The following SASS6 variants were observed in gnomAD, a reference collection of about 807,000 sequenced individuals.
SASS6 encodes the protein spindle assembly abnormal protein 6 homolog.
Under a neutral mutation model 94.9 loss-of-function variants are expected in SASS6, and 59 were observed. That is an observed-to-expected ratio of 0.62 (90% CI 0.50 to 0.77). SASS6 has a LOEUF of 0.77. Ranked by LOEUF, SASS6 falls within the 30% of genes least tolerant of loss-of-function variation. The probability of loss-of-function intolerance (pLI) is 0.00; values close to 1 mark genes in which losing one functional copy is unlikely to be tolerated. For synonymous variants in SASS6, 264 were observed against 270.0 expected (o/e 0.98, Z 0.22); for missense variants, 698 against 734.1 (o/e 0.95, Z 0.57).
chr1:100,128,553 TC>T (rs1266381111), intron 1 of SASS6, among the ~76,000 whole-genome samples: 1 of 152,092 alleles, frequency 6.6e-6, no homozygotes, highest in Non-Finnish European at 1.5e-5. Context: ...TTAAACGAAT[TC>T]CCCATGCTTA....
intron 11 of SASS6, 118 bp from the exon 12 acceptor site, chr1:100,107,111 G>A (rs1478868737): frequency 1.1e-5 from 7 of 610,604 alleles, no homozygotes; most frequent in African/African-American, 1.9e-5. Context: ...ATTATTAAAT[G>A]AGAATAAAGG....
intron 13 of SASS6, among the ~76,000 whole-genome samples, chr1:100,104,303 G>A (rs977014847): frequency 6.6e-6 from 1 of 152,204 alleles, no homozygotes. Context: ...GAGTCACAGA[G>A]TAACCTTGCC....
At position 100,121,450 on chromosome 1, in the gene SASS6, G is replaced by C. The variant is rs1447232401; in HGVS notation, c.411C>G (p.Leu137=). 6.2e-7 allele frequency: 1 copy of C among 1,602,286 alleles called. No homozygotes were observed. Among genetic ancestry groups the C allele is most frequent in the East Asian group, 2.2e-5 (1 of 44,616 alleles). The change falls in exon 5 of 17, where the codon CTC becomes CTG. Residue 137 remains leucine (L), a synonymous_variant. Transcript: ENST00000287482. ...CATTTCCAGGTAAAAGTTTTAGTGA[G>C]AGGTGTGTAAGATGCTTAAAAGGAT... is the stretch of plus-strand genomic sequence containing the variant. ...ETNPFKHLTH[L]SLKLLPGNDV...
intron 14 of SASS6, among the ~76,000 whole-genome samples, chr1:100,094,683 A>G (rs1651986991): frequency 6.6e-6 from 1 of 152,030 alleles, no homozygotes. Flanking sequence ...CCTAGCCAAC[A>G]GGGCGAAACC....
chr1:100,097,377 CA>C (rs1652175004), intron 14 of SASS6, among the ~76,000 whole-genome samples: 1 of 152,112 alleles, frequency 6.6e-6, no homozygotes, highest in African/African-American at 2.4e-5. Context: ...CTGTAACATC[CA>C]AAAACTTAAA....
At chr1:100,114,171 T>C (rs1392140317) in intron 7 of SASS6, among the ~76,000 whole-genome samples, 1 of 152,138 alleles carries the variant, frequency 6.6e-6, no homozygotes, top group Admixed American at 6.5e-5. Context: ...GTGATCCAAA[T>C]GGTGTTAAAA....
chr1:100,091,562 C>A (rs1005336646), intron 14 of SASS6, among the ~76,000 whole-genome samples: 2 of 148,666 alleles, frequency 1.3e-5, no homozygotes, highest in Non-Finnish European at 3.0e-5. Flanking sequence ...ATCAGAAAAA[C>A]CACTTCAAAT....
intron 1 of SASS6, among the ~76,000 whole-genome samples, chr1:100,128,718 TCTCAATAGATGTCGTA>T (rs1654800150): frequency 6.6e-6 from 1 of 152,240 alleles, no homozygotes; most frequent in Non-Finnish European, 1.5e-5. Context: ...TTATTTCTCA[TCTCAATAGATGTCGTA>T]CTCAATAGAT....
intron 4 of SASS6, among the ~76,000 whole-genome samples, chr1:100,122,031 A>C (rs1654235452): frequency 6.6e-6 from 1 of 152,218 alleles, no homozygotes; most frequent in African/African-American, 2.4e-5. Flanking sequence ...AAAACCAATA[A>C]ATAAAAGGTT....
At chr1:100,086,880 T>C (rs1651326493) in intron 15 of SASS6, among the ~76,000 whole-genome samples, 1 of 152,202 alleles carries the variant, frequency 6.6e-6, no homozygotes, top group African/African-American at 2.4e-5. Context: ...ATTATGATAT[T>C]CTACCATTAA....
chr1:100,122,551 T>A, intron 3 of SASS6, 67 bp from the exon 4 acceptor site: 1 of 291,472 alleles, frequency 3.4e-6, no homozygotes. Flanking sequence ...TTTGGTGCCT[T>A]TTTTTTTTTT....
chr1:100,113,100 A>G (rs922081652), intron 7 of SASS6, among the ~76,000 whole-genome samples: 4 of 152,174 alleles, frequency 2.6e-5, no homozygotes, highest in African/African-American at 4.8e-5. Context: ...ACTTGTTTCC[A>G]TGGACAATAG....
chr1:100,085,568 C>T lies in SASS6; in HGVS notation c.1835G>A (p.Arg612His), dbSNP rs143522528. 5.9e-4 allele frequency: 958 copies of T among 1,613,164 alleles called. 5 individuals carry two copies. In the African/African-American group the frequency reaches 0.011, roughly 19 times the overall value. ...LKKREDSIPL[R>H]GLSQNLFSNS... ...ACTAAATAGGTTCTGGCTGAGTCCG[C>T]GTAAAGGAATGCTATCTTCCCTTTT... Residue 612 changes from arginine to histidine, a missense_variant, in exon 16 of 17, where the codon CGC (arginine) becomes CAC (histidine). Physicochemically the swap from Arg to His is conservative, Grantham distance 29 (BLOSUM62 0). Coordinates refer to ENST00000287482, the MANE Select transcript of SASS6 (RefSeq NM_194292.3).
intron 1 of SASS6, among the ~76,000 whole-genome samples, chr1:100,132,544 C>T (rs1655147627): frequency 6.6e-6 from 1 of 152,164 alleles, no homozygotes; most frequent in African/African-American, 2.4e-5. Flanking sequence ...CTTCCTAACT[C>T]CTCACACCCT....
rs1652989386 is a variant in SASS6, at chr1:100,107,387, A to G, written c.1313T>C (p.Ile438Thr). The G allele has an allele frequency of 6.3e-7, 1 of 1,592,518 alleles. No individual in the cohort carries two copies. Among genetic ancestry groups the G allele is most frequent in the Non-Finnish European group, 8.5e-7 (1 of 1,169,730 alleles). Residue 438 changes from isoleucine (I) to threonine (T), a missense_variant, in exon 11 of 17, where the codon ATT (isoleucine) becomes ACT (threonine). By Grantham distance (89) the Ile-to-Thr change is moderately conservative (BLOSUM62 -1). Transcript: ENST00000287482. ...ELQDVGQSLRIKEQEVCKLQE... is the reference protein window; with the variant it reads ...ELQDVGQSLRTKEQEVCKLQE... ...AATATTAACTACCTCTTGCTCTTTA[A>G]TTCGAAGAGACTGTCCAACATCTTG...
At chr1:100,090,195 G>A (rs1396484000) in intron 14 of SASS6, among the ~76,000 whole-genome samples, 2 of 151,980 alleles carry the variant, frequency 1.3e-5, no homozygotes, top group African/African-American at 4.8e-5. Context: ...AGGACATATA[G>A]AAAACAAATC....
chr1:100,128,757 T>C (rs1264053942), intron 1 of SASS6, among the ~76,000 whole-genome samples: 3 of 152,260 alleles, frequency 2.0e-5, no homozygotes, highest in Non-Finnish European at 4.4e-5. Context: ...CTAATACTAA[T>C]GACATTAGAT....
At chr1:100,086,977 T>C (rs1175530055) in intron 15 of SASS6, among the ~76,000 whole-genome samples, 2 of 152,082 alleles carry the variant, frequency 1.3e-5, no homozygotes, top group Non-Finnish European at 2.9e-5. Flanking sequence ...CTTTTTTACA[T>C]TATTTTTTCT....
intron 1 of SASS6, among the ~76,000 whole-genome samples, chr1:100,129,615 C>A (rs1477350668): frequency 6.6e-6 from 1 of 152,040 alleles, no homozygotes; most frequent in Non-Finnish European, 1.5e-5. Context: ...ACTTAGGCAA[C>A]TTTGAAGGGT....
Sources: allele counts gnomAD v4.1 joint callset (sites outside exome capture counted in the v4.1 genomes callset), GRCh38; gene constraint gnomAD v4.1.1; transcripts MANE v1.5; gene names NCBI Gene and HGNC (gene_info 2026-07-23, HGNC 2026-07-21).